FAM135A: variants seen among roughly 807,000 people sequenced by gnomAD.
FAM135A encodes protein FAM135A.
In FAM135A, 79 loss-of-function variants were observed where a neutral mutation model predicts 146.8. The observed-to-expected ratio is 0.54, with a 90% CI of 0.45 to 0.65. The LOEUF is 0.65. Ranked by LOEUF, FAM135A falls within the 30% of genes least tolerant of loss-of-function variation. The probability of loss-of-function intolerance (pLI) is 0.00; values close to 1 mark genes in which losing one functional copy is unlikely to be tolerated. For missense variants in FAM135A, 1,623 were observed against 1,758.2 expected (o/e 0.92, Z 1.38); for synonymous variants, 562 against 603.6 (o/e 0.93, Z 1.01).
chr6:70,528,229 C>G, intron 15 of FAM135A, 63 bp from the exon 16 acceptor site: 6 of 1,458,128 alleles, frequency 4.1e-6, no homozygotes, highest in Non-Finnish European at 5.5e-6. Context: ...TCTCTAAATT[C>G]AGGAGGGTTC....
At chr6:70,432,045 A>T (rs1002751533) in intron 4 of FAM135A, among the ~76,000 whole-genome samples, 1 of 152,150 alleles carries the variant, frequency 6.6e-6, no homozygotes, top group African/African-American at 2.4e-5. Context: ...TAATAAAATC[A>T]TGTTAAGTTT....
rs1185876156 is a variant in FAM135A at position 70,441,500 on chromosome 6, T to A, written c.78-10992T>A. Among the ~76,000 whole-genome samples, 3 of 152,152 alleles carry A rather than the reference T, an allele frequency of 2.0e-5. No homozygotes were observed. In the East Asian group the frequency reaches 5.8e-4, roughly 29 times the overall value. On this transcript the variant is annotated intron_variant, in intron 4 of 21. Transcript: ENST00000418814. ...CAGTCTAAGCAGTGTTTGATAGTTT[T>A]CTTGTTTTCTATTATGATTAGGTGT...
chr6:70,523,093 C>G (rs1007065605), intron 13 of FAM135A, among the ~76,000 whole-genome samples: 1 of 152,060 alleles, frequency 6.6e-6, no homozygotes, highest in Non-Finnish European at 1.5e-5. Flanking sequence ...GCAAAAAAAG[C>G]TAGACATTAA....
intron 12 of FAM135A, chr6:70,504,350 T>C (rs1212740236): frequency 1.3e-5 from 2 of 152,226 alleles, no homozygotes; most frequent in Non-Finnish European, 1.5e-5. Flanking sequence ...TACTTTTCTG[T>C]GTCCTTTGTT....
intron 12 of FAM135A, among the ~76,000 whole-genome samples, chr6:70,515,256 C>G (rs545366410): frequency 6.6e-6 from 1 of 152,118 alleles, no homozygotes; most frequent in African/African-American, 2.4e-5. Flanking sequence ...GCTATCACAC[C>G]GCTTGGTGTT....
intron 12 of FAM135A, among the ~76,000 whole-genome samples, chr6:70,518,148 T>C (rs1445510039): frequency 1.3e-5 from 2 of 152,198 alleles, no homozygotes; most frequent in Non-Finnish European, 2.9e-5. Flanking sequence ...TGAAATGCTT[T>C]TCTAATGGAA....
At chr6:70,416,117 A>G (rs771163659) in intron 2 of FAM135A, among the ~76,000 whole-genome samples, 13 of 152,214 alleles carry the variant, frequency 8.5e-5, no homozygotes, top group Non-Finnish European at 1.3e-4. Context: ...TTTCTAATGT[A>G]CTAGATAGAT....
intron 20 of FAM135A, among the ~76,000 whole-genome samples, chr6:70,542,909 T>A (rs1798199666): frequency 6.6e-6 from 1 of 152,164 alleles, no homozygotes; most frequent in African/African-American, 2.4e-5. Context: ...TCAAAATTGT[T>A]AATATTATCT....
chr6:70,511,384 A>T (rs1790973230), intron 12 of FAM135A, among the ~76,000 whole-genome samples: 1 of 151,938 alleles, frequency 6.6e-6, no homozygotes, highest in Non-Finnish European at 1.5e-5. Context: ...TAAAGATATA[A>T]GGTAACCCTT....
At position 70,459,625 on chromosome 6, in the gene FAM135A, A is replaced by C. The variant is rs1037345652; in HGVS notation, c.157+7054A>C. ...TTTAAATAATGACATCCTAGTAATG[A>C]TAGTATTATTAAGATTAAATGTATT... is the stretch of plus-strand genomic sequence containing the variant. On this transcript the variant is annotated intron_variant, in intron 5 of 21. Transcript: ENST00000418814. Among the ~76,000 whole-genome samples the C allele has an allele frequency of 2.0e-5, 3 of 152,346 alleles. No homozygotes were observed. The South Asian group carries it at 6.2e-4, about 32-fold the overall frequency.
At chr6:70,498,380 T>G (rs540499349) in intron 11 of FAM135A, among the ~76,000 whole-genome samples, 49 of 152,158 alleles carry the variant, frequency 3.2e-4, no homozygotes, top group Non-Finnish European at 6.5e-4. Context: ...TCTTTATTAG[T>G]CTCGCTAGTG....
intron 12 of FAM135A, among the ~76,000 whole-genome samples, chr6:70,512,922 G>A (rs1427793552): frequency 2.6e-5 from 4 of 151,442 alleles, no homozygotes; most frequent in Non-Finnish European, 4.4e-5. Context: ...TTACATTTAG[G>A]ACCATGGGTC....
rs1357494872 is a variant in FAM135A at position 70,561,149 on chromosome 6, A to G, written c.*1228A>G. On this transcript the variant is annotated 3_prime_UTR_variant, in exon 22 of 22. Transcript: ENST00000418814. ...GCCTCTGGTGTTAATAAATGAACAA[A>G]TGGCTATCTGGAGGAACAGCTACAA... is the stretch of plus-strand genomic sequence containing the variant. 6.6e-6 allele frequency: 1 copy of G among 152,392 alleles called. No homozygotes were observed. Among genetic ancestry groups the G allele is most frequent in the Non-Finnish European group, 1.5e-5 (1 of 67,976 alleles). 9.4% of individuals were successfully genotyped at this position (152,392 alleles called of 1,614,324 possible). A position where few individuals can be genotyped will look rare whatever the true frequency, so the allele number is the denominator to read the frequency against.
intron 10 of FAM135A, among the ~76,000 whole-genome samples, chr6:70,490,448 C>G (rs1466104811): frequency 6.6e-6 from 1 of 151,960 alleles, no homozygotes; most frequent in Admixed American, 6.6e-5. Flanking sequence ...ATTATTATAG[C>G]ATACATTAAG....
At chr6:70,436,651 T>G (rs542552989) in intron 4 of FAM135A, among the ~76,000 whole-genome samples, 1 of 152,202 alleles carries the variant, frequency 6.6e-6, no homozygotes, top group Non-Finnish European at 1.5e-5. Context: ...TAATTGCCAA[T>G]GTGTATTCTT....
chr6:70,522,477 G>A (rs1273559393), intron 12 of FAM135A, 36 bp from the exon 13 acceptor site: 28 of 1,583,328 alleles, frequency 1.8e-5, no homozygotes, highest in Admixed American at 3.4e-5. Context: ...TTTTAAATAC[G>A]TCATGTTATT....
chr6:70,475,858 T>C, intron 7 of FAM135A, 125 bp downstream of exon 7: 3 of 729,942 alleles, frequency 4.1e-6, no homozygotes, highest in Non-Finnish European at 6.6e-6. Flanking sequence ...TTGTGTTTTC[T>C]GGGGAAACTT....
chr6:70,510,286 G>T (rs1561940851), intron 12 of FAM135A, among the ~76,000 whole-genome samples: 1 of 151,844 alleles, frequency 6.6e-6, no homozygotes, highest in Non-Finnish European at 1.5e-5. Flanking sequence ...AATTTTGAGG[G>T]TAACAGATTT....
chr6:70,429,676 C>T (rs1000420454), intron 4 of FAM135A, among the ~76,000 whole-genome samples: 2 of 152,056 alleles, frequency 1.3e-5, no homozygotes, highest in African/African-American at 2.4e-5. Flanking sequence ...GGGTAACCAT[C>T]AATAGTTTCT....
Sources: gnomAD v4.1 joint callset for allele counts (sites outside exome capture counted in the v4.1 genomes callset) on GRCh38, gnomAD v4.1.1 for gene constraint, MANE v1.5 for transcripts, NCBI Gene and HGNC (gene_info 2026-07-23, HGNC 2026-07-21) for gene names.